The following PCNX2 variants were observed in gnomAD, a reference collection of about 807,000 sequenced individuals.
PCNX2 encodes the protein pecanex 2, also known as pecanex-like protein 2.
Under a neutral mutation model 223.8 loss-of-function variants are expected in PCNX2, and 168 were observed. The ratio of observed to expected loss-of-function variants is 0.75; its 90% CI spans 0.66 to 0.85. PCNX2 has a LOEUF of 0.85. PCNX2 is among the 40% of genes least tolerant of loss of function. The probability of loss-of-function intolerance (pLI) is 0.00; values close to 1 mark genes in which losing one functional copy is unlikely to be tolerated. For synonymous variants in PCNX2, 1,006 were observed against 1,052.6 expected (o/e 0.96, Z 0.86); for missense variants, 2,507 against 2,675.5 (o/e 0.94, Z 1.39).
intron 19 of PCNX2, among the ~76,000 whole-genome samples, chr1:233,157,271 C>T (rs1176457552): frequency 3.3e-5 from 5 of 152,134 alleles, no homozygotes; most frequent in Non-Finnish European, 7.4e-5. Context: ...GTGAAATGAC[C>T]TGGGCTCCAG....
At chr1:233,307,069 A>G in the PCNX2 span, among the ~76,000 whole-genome samples, 1 of 152,242 alleles carries the variant, frequency 6.6e-6, no homozygotes, top group African/African-American at 2.4e-5. Context: ...AAAGTTACAT[A>G]TAAAAGGAAA....
At chr1:233,087,552 T>TA (rs1334967195) in intron 23 of PCNX2, among the ~76,000 whole-genome samples, 1 of 151,980 alleles carries the variant, frequency 6.6e-6, no homozygotes, top group African/African-American at 2.4e-5. Flanking sequence ...GATTTGAAAC[T>TA]AAAAAAAAGT....
At chr1:233,280,629 C>T (rs1262915795) in intron 1 of PCNX2, among the ~76,000 whole-genome samples, 1 of 152,036 alleles carries the variant, frequency 6.6e-6, no homozygotes, top group Non-Finnish European at 1.5e-5. Context: ...ATTCCTAGAG[C>T]CATGTAAAAA....
At chr1:232,984,741 G>C in intron 33 of PCNX2, 1 of 389,162 alleles carries the variant, frequency 2.6e-6, no homozygotes, top group South Asian at 4.4e-5. Flanking sequence ...GCGGCCCTGG[G>C]GGGAAGGGGC....
intron 32 of PCNX2, among the ~76,000 whole-genome samples, chr1:232,988,818 C>CT (rs1452036821): frequency 1.1e-4 from 16 of 152,206 alleles, no homozygotes; most frequent in Admixed American, 1.0e-3. Context: ...GTGACATATG[C>CT]TTTTTACCCC....
At chr1:233,317,285 G>A in the PCNX2 span, among the ~76,000 whole-genome samples, 1 of 152,058 alleles carries the variant, frequency 6.6e-6, no homozygotes. Context: ...GTGATGATGG[G>A]TGCCTGTAAT....
the PCNX2 span, among the ~76,000 whole-genome samples, chr1:233,316,862 C>G: frequency 7.9e-5 from 12 of 152,152 alleles, no homozygotes; most frequent in African/African-American, 2.9e-4. Context: ...ATCTAACATA[C>G]TACATAATTT....
At position 233,192,866 on chromosome 1, in the gene PCNX2, G is replaced by A. The variant is rs191664779; in HGVS notation, c.3066+6073C>T. ...TAGTGCAAAAGAATTCTAGAGATCT[G>A]CTGTATAACATTATGCCTGCAGATA... On this transcript the variant is annotated intron_variant, in intron 15 of 33. Coordinates refer to ENST00000258229, the MANE Select transcript of PCNX2 (RefSeq NM_014801.4). 4.3e-3 allele frequency among the ~76,000 whole-genome samples: 644 copies of A among 150,940 alleles called. 9 individuals carry two copies. The highest frequency in any genetic ancestry group is 0.015 in the African/African-American group (617 of 41,328).
chr1:233,037,725 G>T (rs1009041468), intron 25 of PCNX2, among the ~76,000 whole-genome samples: 2 of 152,176 alleles, frequency 1.3e-5, no homozygotes, highest in Non-Finnish European at 2.9e-5. Flanking sequence ...TTTATAACTT[G>T]TTTGATTTTG....
At chr1:233,206,526 G>A (rs1249562919) in intron 13 of PCNX2, among the ~76,000 whole-genome samples, 1 of 152,004 alleles carries the variant, frequency 6.6e-6, no homozygotes, top group Non-Finnish European at 1.5e-5. Context: ...TGTTGTGTAT[G>A]TGTTTGTTCC....
intron 17 of PCNX2, among the ~76,000 whole-genome samples, chr1:233,161,598 A>T (rs1298812222): frequency 1.3e-5 from 2 of 152,138 alleles, no homozygotes; most frequent in Non-Finnish European, 2.9e-5. Flanking sequence ...GGAATCACAC[A>T]CTGCAAGGTT....
chr1:233,144,953 G>GTTTTT (rs71173252), intron 19 of PCNX2, among the ~76,000 whole-genome samples: 1 of 137,126 alleles, frequency 7.3e-6, no homozygotes, highest in Non-Finnish European at 1.6e-5. Flanking sequence ...TTGTTGTTTT[G>GTTTTT]TTTTTTTTTT....
intron 19 of PCNX2, among the ~76,000 whole-genome samples, chr1:233,151,805 G>A (rs184076181): frequency 1.3e-5 from 2 of 152,298 alleles, no homozygotes; most frequent in African/African-American, 4.8e-5. Flanking sequence ...TTCCTGAGTA[G>A]CTGGGATTAT....
chr1:233,023,939 G>A (rs1241067516), intron 26 of PCNX2, among the ~76,000 whole-genome samples: 1 of 152,156 alleles, frequency 6.6e-6, no homozygotes, highest in Non-Finnish European at 1.5e-5. Flanking sequence ...TGTGGATTTC[G>A]GGAATCCCCA....
intron 23 of PCNX2, among the ~76,000 whole-genome samples, chr1:233,066,723 G>A (rs1268687171): frequency 6.6e-6 from 1 of 152,196 alleles, no homozygotes; most frequent in Non-Finnish European, 1.5e-5. Flanking sequence ...TGGTGAAGTG[G>A]CCTCCCAAAG....
rs368557810 is a variant in PCNX2 at position 233,094,866 on chromosome 1, C to T, written c.3946+889G>A. On this transcript the variant is annotated intron_variant, in intron 22 of 33. Transcript: ENST00000258229. Reference sequence around the variant, plus strand: ...GGAAAGACAGATTCTAGGATCCCGCCCAGTGAAATTTGATTTAAAAAGTAT... The same window carrying T: ...GGAAAGACAGATTCTAGGATCCCGCTCAGTGAAATTTGATTTAAAAAGTAT... Among the ~76,000 whole-genome samples, 18 of 152,182 alleles carry T rather than the reference C, an allele frequency of 1.2e-4. No homozygotes were observed. In the East Asian group the frequency reaches 3.5e-3, roughly 29 times the overall value.
intron 21 of PCNX2, among the ~76,000 whole-genome samples, chr1:233,122,022 A>G (rs1382085375): frequency 1.3e-5 from 2 of 151,104 alleles, no homozygotes; most frequent in African/African-American, 2.4e-5. Context: ...TGATTCAGGA[A>G]GTATGTGAGG....
chr1:233,043,343 C>T (rs1671709296), intron 25 of PCNX2, among the ~76,000 whole-genome samples: 1 of 152,208 alleles, frequency 6.6e-6, no homozygotes, highest in Admixed American at 6.5e-5. Context: ...TTTGAAAACC[C>T]TTGAACTTGA....
chr1:233,145,575 T>C (rs1412842409), intron 19 of PCNX2, among the ~76,000 whole-genome samples: 1 of 152,028 alleles, frequency 6.6e-6, no homozygotes, highest in Non-Finnish European at 1.5e-5. Flanking sequence ...TCCTAATCTG[T>C]TTACAGGGCT....
Sources: allele counts gnomAD v4.1 joint callset (sites outside exome capture counted in the v4.1 genomes callset), GRCh38; gene constraint gnomAD v4.1.1; transcripts MANE v1.5; gene names NCBI Gene and HGNC (gene_info 2026-07-23, HGNC 2026-07-21).